Variants in SYTL4 observed in about 807,000 individuals in gnomAD.
The protein encoded by SYTL4 is synaptotagmin like 4.
Under a neutral mutation model 52.7 loss-of-function variants are expected in SYTL4, and 16 were observed. That is an observed-to-expected ratio of 0.30 (90% CI 0.21 to 0.46). The LOEUF is 0.46. SYTL4 is among the 20% of genes least tolerant of loss of function. The probability of loss-of-function intolerance (pLI) is 1.00; values close to 1 mark genes in which losing one functional copy is unlikely to be tolerated. For missense variants in SYTL4, 423 were observed against 519.9 expected, an observed-to-expected ratio of 0.81 and a Z score of 1.81; for synonymous variants, 160 against 186.6, an observed-to-expected ratio of 0.86 and a Z score of 1.16.
At position 100,690,607 on chromosome X, in the gene SYTL4, G is replaced by A; in HGVS notation, c.673C>T (p.Pro225Ser). The stretch of plus-strand genomic sequence containing the variant: ...GGAGCAGACATCTTCTTCCATTCTG[G>A]AAAGAGGCCAGATTTATCCAGAGAG... ...RDSLDKSGLF[P>S]EWKKMSAPKS... is the part of the protein sequence containing the mutation. The change falls in exon 10 of 20, where the codon CCA becomes TCA. Residue 225 changes from proline to serine, a missense_variant. Coordinates refer to ENST00000372989, the MANE Select transcript of SYTL4 (RefSeq NM_001370165.1). 1 of 1,207,103 alleles carries A rather than the reference G, an allele frequency of 8.3e-7. No individual in the cohort carries two copies. Among genetic ancestry groups the A allele is most frequent in the Non-Finnish European group, 1.1e-6 (1 of 892,539 alleles).
intron 16 of SYTL4, chrX:100,685,680 C>T: frequency 5.2e-6 from 1 of 193,841 alleles, no homozygotes; most frequent in Non-Finnish European, 9.6e-6. Context: ...AAGGTTAGCT[C>T]GGAGAAGAGG....
intron 19 of SYTL4, 104 bp from the exon 20 acceptor site, chrX:100,676,280 G>A (rs903615352): frequency 4.5e-6 from 4 of 893,006 alleles, no homozygotes; most frequent in East Asian, 3.1e-5. Flanking sequence ...AGTTTCCTAC[G>A]AAGATGGGCT....
chrX:100,713,970 C>A (rs1602889274), intron 2 of SYTL4, among the ~76,000 whole-genome samples: 1 of 110,619 alleles, frequency 9.0e-6, no homozygotes, highest in Non-Finnish European at 1.9e-5. Context: ...TAATAGCACA[C>A]AGGGACAAGA....
intron 8 of SYTL4, among the ~76,000 whole-genome samples, chrX:100,699,773 C>T (rs777824436): frequency 1.0e-4 from 11 of 107,457 alleles, no homozygotes; most frequent in African/African-American, 3.8e-4. Flanking sequence ...GGATTACAGG[C>T]GTGAGCCACT....
intron 8 of SYTL4, among the ~76,000 whole-genome samples, chrX:100,700,523 A>G (rs1452106735): frequency 8.9e-6 from 1 of 112,188 alleles, no homozygotes; most frequent in African/African-American, 3.2e-5. Flanking sequence ...ATATACATAG[A>G]AGATATACGA....
At chrX:100,700,614 T>C (rs1296363944) in intron 8 of SYTL4, among the ~76,000 whole-genome samples, 2 of 112,238 alleles carry the variant, frequency 1.8e-5, no homozygotes, top group Non-Finnish European at 3.8e-5. Context: ...GTGTTATTTT[T>C]ATTTGTCTTC....
intron 16 of SYTL4, among the ~76,000 whole-genome samples, chrX:100,683,624 G>A (rs375062133): frequency 2.3e-4 from 26 of 111,676 alleles, no homozygotes; most frequent in Admixed American, 1.7e-3. Flanking sequence ...TGGATTGCTA[G>A]GGAAAAAACA....
intron 2 of SYTL4, among the ~76,000 whole-genome samples, chrX:100,711,568 G>T (rs2084070376): frequency 9.0e-6 from 1 of 111,378 alleles, no homozygotes; most frequent in African/African-American, 3.3e-5. Flanking sequence ...CAGTAGAAAA[G>T]AGTTAAGAAC....
intron 13 of SYTL4, chrX:100,688,147 C>T (rs2083509451): frequency 2.7e-6 from 1 of 368,532 alleles, no homozygotes; most frequent in Non-Finnish European, 4.7e-6. Context: ...ATGTAATAAT[C>T]TCCAGGTGGG....
At chrX:100,703,592 C>T (rs2083899946) in intron 3 of SYTL4, among the ~76,000 whole-genome samples, 1 of 112,007 alleles carries the variant, frequency 8.9e-6, no homozygotes, top group Non-Finnish European at 1.9e-5. Flanking sequence ...CTTAACCAAG[C>T]AATATGACTT....
At chrX:100,702,238 T>C (rs2083869330) in intron 4 of SYTL4, 131 bp from the exon 5 acceptor site, 1 of 371,386 alleles carries the variant, frequency 2.7e-6, no homozygotes, top group Admixed American at 4.7e-5. Flanking sequence ...ATCTGACCTA[T>C]TTAGTCTTCC....
intron 13 of SYTL4, 53 bp from the exon 14 acceptor site, chrX:100,687,298 A>G: frequency 3.8e-6 from 4 of 1,064,712 alleles, no homozygotes; most frequent in Non-Finnish European, 5.2e-6. Flanking sequence ...CCCCGCCCGC[A>G]TTGCTCACAT....
At chrX:100,722,042 T>C (rs1039105885) in intron 2 of SYTL4, among the ~76,000 whole-genome samples, 1 of 111,008 alleles carries the variant, frequency 9.0e-6, no homozygotes, top group African/African-American at 3.3e-5. Flanking sequence ...CCTCAGGTGA[T>C]CCACCCGCCT....
chrX:100,687,049 G>A lies in SYTL4; in HGVS notation c.1184+18C>T, dbSNP rs377670536. ...GTCTCTGGTCTCAGAGCATCAGTCAGGTTCCAGAAGCACTCACGGGTTAGA... is the reference window on the plus strand; with the variant it reads ...GTCTCTGGTCTCAGAGCATCAGTCAAGTTCCAGAAGCACTCACGGGTTAGA... On this transcript the variant is annotated intron_variant, in intron 14 of 19. Transcript: ENST00000372989. 1.2e-4 allele frequency: 140 copies of A among 1,204,124 alleles called. No homozygotes were observed. The African/African-American group carries it at 2.2e-3, about 19-fold the overall frequency.
chrX:100,689,723 C>T, intron 12 of SYTL4, 133 bp downstream of exon 12: 2 of 245,683 alleles, frequency 8.1e-6, no homozygotes, highest in Non-Finnish European at 1.5e-5. Flanking sequence ...ACTTTAGAAA[C>T]TTGGGGGTAT....
intron 2 of SYTL4, among the ~76,000 whole-genome samples, chrX:100,720,642 A>T (rs2084322217): frequency 8.9e-6 from 1 of 112,557 alleles, no homozygotes; most frequent in African/African-American, 3.2e-5. Context: ...GTTCATGACT[A>T]ATCCAGCCCA....
chrX:100,679,986 A>G (rs2083344184), intron 17 of SYTL4, among the ~76,000 whole-genome samples: 1 of 112,027 alleles, frequency 8.9e-6, no homozygotes, highest in Non-Finnish European at 1.9e-5. Context: ...TCTTCAAGCT[A>G]TTCTCCATGT....
intron 8 of SYTL4, 82 bp from the exon 9 acceptor site, chrX:100,691,291 A>G: frequency 3.2e-6 from 2 of 622,076 alleles, no homozygotes; most frequent in Admixed American, 2.8e-5. Context: ...TCCATTCACA[A>G]TCGTAGCCTG....
At chrX:100,694,550 C>G (rs765253790) in intron 8 of SYTL4, among the ~76,000 whole-genome samples, 20 of 111,810 alleles carry the variant, frequency 1.8e-4, no homozygotes, top group Non-Finnish European at 3.6e-4. Flanking sequence ...TACACACATT[C>G]ATTCCTGGCA....
Sources: allele counts gnomAD v4.1 joint callset (sites outside exome capture counted in the v4.1 genomes callset), GRCh38; gene constraint gnomAD v4.1.1; transcripts MANE v1.5; gene names NCBI Gene and HGNC (gene_info 2026-07-23, HGNC 2026-07-21).